ENPP6: variants seen among roughly 807,000 people sequenced by gnomAD.
ENPP6 encodes the protein glycerophosphocholine cholinephosphodiesterase ENPP6.
Under a neutral mutation model 42.0 loss-of-function variants are expected in ENPP6, and 32 were observed. The ratio of observed to expected loss-of-function variants is 0.76; its 90% CI spans 0.58 to 1.02. ENPP6 has a LOEUF of 1.02. ENPP6 is among the 50% of genes least tolerant of loss of function. The probability of loss-of-function intolerance (pLI) is 0.00; values close to 1 mark genes in which losing one functional copy is unlikely to be tolerated. For missense variants in ENPP6, 552 were observed against 566.8 expected, an observed-to-expected ratio of 0.97 and a Z score of 0.27; for synonymous variants, 213 against 216.0, an observed-to-expected ratio of 0.99 and a Z score of 0.12.
At chr4:184,169,618 G>A (rs905629170) in intron 1 of ENPP6, among the ~76,000 whole-genome samples, 7 of 152,154 alleles carry the variant, frequency 4.6e-5, no homozygotes, top group African/African-American at 1.7e-4. Flanking sequence ...ACAGCTCCTG[G>A]GCAGGGTCCT....
At chr4:184,186,132 A>C (rs1365040460) in intron 1 of ENPP6, among the ~76,000 whole-genome samples, 3 of 152,230 alleles carry the variant, frequency 2.0e-5, no homozygotes, top group Admixed American at 6.5e-5. Context: ...AAGCGTACAT[A>C]GATATTCATA....
intron 1 of ENPP6, among the ~76,000 whole-genome samples, chr4:184,180,998 A>T: frequency 6.6e-6 from 1 of 152,224 alleles, no homozygotes; most frequent in East Asian, 1.9e-4. Context: ...TAGTATTGGA[A>T]GTTCTGGCCT....
intron 1 of ENPP6, among the ~76,000 whole-genome samples, chr4:184,217,352 G>C (rs558392981): frequency 6.6e-6 from 1 of 152,108 alleles, no homozygotes; most frequent in African/African-American, 2.4e-5. Flanking sequence ...TCTGTCCTCC[G>C]CACTGAGAAT....
intron 1 of ENPP6, among the ~76,000 whole-genome samples, chr4:184,169,326 C>T (rs1333528871): frequency 1.3e-5 from 2 of 152,186 alleles, no homozygotes; most frequent in African/African-American, 4.8e-5. Context: ...ATCCATTCCT[C>T]TCGGTGGCCG....
intron 1 of ENPP6, among the ~76,000 whole-genome samples, chr4:184,177,458 A>C (rs544724172): frequency 1.3e-5 from 2 of 152,346 alleles, no homozygotes; most frequent in Admixed American, 6.5e-5. Flanking sequence ...GAATCTGGGC[A>C]GTCCAGACGA....
In ENPP6 at chr4:184,091,247, G is replaced by A; in HGVS notation, c.1253C>T (p.Ala418Val). 1 of 1,601,034 alleles carries A rather than the reference G, an allele frequency of 6.2e-7. No homozygotes were observed. The highest frequency in any genetic ancestry group is 8.5e-7 in the Non-Finnish European group (1 of 1,173,504). Residue 418 changes from alanine (A) to valine (V), a missense_variant, in exon 8 of 8, where the codon GCC becomes GTC. Coordinates refer to ENST00000296741, the MANE Select transcript of ENPP6 (RefSeq NM_153343.4). ...GGGCCAGACAGGCGGGGCAGTGCTG[G>A]CGCGGCCCTTCAGCATGCACATCAC... ...SRVMCMLKGR[A>V]STAPPVWPSH...
chr4:184,190,632 A>G (rs1732700993), intron 1 of ENPP6, among the ~76,000 whole-genome samples: 1 of 152,196 alleles, frequency 6.6e-6, no homozygotes, highest in Admixed American at 6.5e-5. Flanking sequence ...GGAGGCATTT[A>G]TAGAGTGCTT....
rs1167749284 is a variant in ENPP6, at chr4:184,089,723, G to A, written c.*1454C>T. The A allele has an allele frequency of 6.6e-6, 1 of 152,108 alleles. No homozygotes were observed. The highest frequency in any genetic ancestry group is 6.5e-5 in the Admixed American group (1 of 15,268). 9.4% of individuals were successfully genotyped at this position (152,108 alleles called of 1,614,324 possible). ...GTTAGTCTGGAACTCCTGGCCTCAA[G>A]GGTTCGTTTGTCCCTCCTTGGCCTC... On this transcript the variant is annotated 3_prime_UTR_variant, in exon 8 of 8. Transcript: ENST00000296741.
In ENPP6 at chr4:184,115,054, G is replaced by A. The variant is rs989196634; in HGVS notation, c.855+1802C>T. On this transcript the variant is annotated intron_variant, in intron 5 of 7. Transcript: ENST00000296741. Reference sequence around the variant, plus strand: ...CGTGAGTTATGATTTTCTACTTAAGGAAATCCGGAGTTCTTAAGGAAAGGA... The same window carrying A: ...CGTGAGTTATGATTTTCTACTTAAGAAAATCCGGAGTTCTTAAGGAAAGGA... Among the ~76,000 whole-genome samples, 5 of 152,252 alleles carry A rather than the reference G, an allele frequency of 3.3e-5. No homozygotes were observed. The Middle Eastern group carries it at 0.014, about 414-fold the overall frequency.
intron 2 of ENPP6, among the ~76,000 whole-genome samples, chr4:184,126,650 GAA>G (rs1234652686): frequency 6.6e-6 from 1 of 152,162 alleles, no homozygotes; most frequent in Non-Finnish European, 1.5e-5. Flanking sequence ...ATGCTGGAGA[GAA>G]AAAGAATTCC....
intron 2 of ENPP6, among the ~76,000 whole-genome samples, chr4:184,131,199 T>C (rs1375569729): frequency 2.4e-5 from 1 of 41,082 alleles, no homozygotes; most frequent in Non-Finnish European, 5.5e-5. Context: ...CTTTCTTTCT[T>C]TCTTCTTTCT....
rs148528157 is a variant in ENPP6, at chr4:184,128,828, T to C, written c.422-4556A>G. 5.0e-3 allele frequency among the ~76,000 whole-genome samples: 761 copies of C among 152,308 alleles called. 10 individuals carry two copies. Among genetic ancestry groups the C allele is most frequent in the African/African-American group, 0.017 (725 of 41,564 alleles). ...GTTGAAAAAACTGATCATATTCTGG[T>C]CAAAAAGAAAATCTCAGTAACTTCC... is the stretch of plus-strand genomic sequence containing the variant. On this transcript the variant is annotated intron_variant, in intron 2 of 7. Coordinates refer to ENST00000296741, the MANE Select transcript of ENPP6 (RefSeq NM_153343.4).
intron 2 of ENPP6, among the ~76,000 whole-genome samples, chr4:184,147,050 C>T (rs1181115836): frequency 6.6e-6 from 1 of 152,130 alleles, no homozygotes; most frequent in Admixed American, 6.5e-5. Flanking sequence ...TCAGACCTGC[C>T]GGCTCGACGT....
intron 4 of ENPP6, 33 bp from the exon 5 acceptor site, chr4:184,117,068 C>A: frequency 6.2e-7 from 1 of 1,612,600 alleles, no homozygotes; most frequent in Non-Finnish European, 8.5e-7. Flanking sequence ...CATTACGGCA[C>A]CAACAGAGAG....
At chr4:184,195,509 T>G (rs1427214677) in intron 1 of ENPP6, among the ~76,000 whole-genome samples, 3 of 152,250 alleles carry the variant, frequency 2.0e-5, no homozygotes, top group Non-Finnish European at 4.4e-5. Context: ...TTCACACTGC[T>G]GTATAATCAT....
intron 1 of ENPP6, among the ~76,000 whole-genome samples, chr4:184,211,738 T>C (rs1182778432): frequency 1.3e-5 from 2 of 151,438 alleles, no homozygotes; most frequent in African/African-American, 4.8e-5. Flanking sequence ...ACTCATTTTA[T>C]GAGGCCAGCA....
chr4:184,211,873 CA>C (rs1264960750), intron 1 of ENPP6, among the ~76,000 whole-genome samples: 3 of 150,818 alleles, frequency 2.0e-5, no homozygotes, highest in Non-Finnish European at 4.4e-5. Flanking sequence ...AGCAGCACAT[CA>C]AAAAGCTTAT....
chr4:184,107,699 A>C (rs1161883337), intron 6 of ENPP6, among the ~76,000 whole-genome samples: 3 of 152,152 alleles, frequency 2.0e-5, no homozygotes, highest in Admixed American at 6.5e-5. Flanking sequence ...GCGGATCACG[A>C]GGTCAGGAGA....
intron 1 of ENPP6, among the ~76,000 whole-genome samples, chr4:184,164,585 A>G (rs866177533): frequency 9.9e-5 from 15 of 152,154 alleles, no homozygotes; most frequent in African/African-American, 3.6e-4. Flanking sequence ...CTAAAGAACC[A>G]AGGAATTTTC....
Sources: gnomAD v4.1 joint callset for allele counts (sites outside exome capture counted in the v4.1 genomes callset) on GRCh38, gnomAD v4.1.1 for gene constraint, MANE v1.5 for transcripts, NCBI Gene and HGNC (gene_info 2026-07-23, HGNC 2026-07-21) for gene names.